CUX1: variants seen among roughly 807,000 people sequenced by gnomAD.
CUX1 encodes the protein protein CASP.
In CUX1, 31 loss-of-function variants were observed where a neutral mutation model predicts 158.8. The ratio of observed to expected loss-of-function variants is 0.20; its 90% confidence interval spans 0.15 to 0.26. The LOEUF is 0.26. CUX1 is among the 10% of genes least tolerant of loss of function. The pLI is 1.00. For synonymous variants in CUX1, 879 were observed against 862.1 expected, an observed-to-expected ratio of 1.02 and a Z score of -0.34; for missense variants, 1,589 against 2,014.6, an observed-to-expected ratio of 0.79 and a Z score of 4.04.
At chr7:102,105,128 C>A (rs543907939) in intron 6 of CUX1, among the ~76,000 whole-genome samples, 1 of 151,806 alleles carries the variant, frequency 6.6e-6, no homozygotes, top group South Asian at 2.1e-4. Context: ...AAGCCCTGGG[C>A]TAGTGCTAAA....
At chr7:102,145,676 G>A (rs1834953657) in intron 8 of CUX1, among the ~76,000 whole-genome samples, 1 of 152,086 alleles carries the variant, frequency 6.6e-6, no homozygotes, top group Admixed American at 6.6e-5. Flanking sequence ...GCCGGGCGCG[G>A]TGGCTCACGC....
chr7:102,020,794 T>G (rs988751240), intron 2 of CUX1, among the ~76,000 whole-genome samples: 2 of 151,396 alleles, frequency 1.3e-5, no homozygotes, highest in African/African-American at 4.9e-5. Context: ...GCAGGAGAAT[T>G]GCTTGAACCC....
chr7:102,229,545 C>G lies in CUX1; in HGVS notation c.3433+1876C>G, dbSNP rs542711763. 3.3e-5 allele frequency among the ~76,000 whole-genome samples: 5 copies of G among 149,782 alleles called. No individual in the cohort carries two copies. In the Admixed American group the frequency reaches 3.3e-4, roughly 10 times the overall value. ...CAGGATGGTCTCGAACTCCTGACCT[C>G]AAGTGATCCACCCACCTCGGCCTCC... On this transcript the variant is annotated intron_variant, in intron 21 of 23. Coordinates refer to ENST00000292535, the MANE Select transcript of CUX1 (RefSeq NM_181552.4).
At chr7:102,158,412 G>T in intron 8 of CUX1, 148 bp from the exon 9 acceptor site, 1 of 655,264 alleles carries the variant, frequency 1.5e-6, no homozygotes, top group African/African-American at 1.8e-5. Context: ...TCTTCCCCCA[G>T]TGTGAGCCCA....
At chr7:101,844,619 T>G (rs961208174) in intron 1 of CUX1, among the ~76,000 whole-genome samples, 1 of 152,172 alleles carries the variant, frequency 6.6e-6, no homozygotes, top group Non-Finnish European at 1.5e-5. Context: ...TCTTCTTTTT[T>G]CTTTTTGTTT....
chr7:101,816,169 G>A (rs1194390900), upstream of CUX1: 2 of 774,004 alleles, frequency 2.6e-6, no homozygotes, highest in African/African-American at 2.0e-5. Context: ...CGGGGGCCCC[G>A]GGCTGGCCCA....
intron 1 of CUX1, among the ~76,000 whole-genome samples, chr7:101,839,517 T>G (rs1198098338): frequency 6.6e-6 from 1 of 152,214 alleles, no homozygotes; most frequent in East Asian, 1.9e-4. Context: ...GTGGAGATAT[T>G]TTTTGCCAGT....
chr7:102,153,774 A>G (rs917409195), intron 8 of CUX1: 3 of 152,224 alleles, frequency 2.0e-5, no homozygotes, highest in Non-Finnish European at 4.4e-5. Context: ...ACACACAAGC[A>G]AAAACAGCTG....
intron 4 of CUX1, among the ~76,000 whole-genome samples, chr7:102,089,853 G>A (rs1372013327): frequency 9.2e-5 from 14 of 152,168 alleles, no homozygotes; most frequent in African/African-American, 3.1e-4. Context: ...ATCACACTCC[G>A]CTTGGGTTTT....
At chr7:102,010,208 A>G (rs780945516) in intron 2 of CUX1, among the ~76,000 whole-genome samples, 35 of 152,188 alleles carry the variant, frequency 2.3e-4, no homozygotes, top group Non-Finnish European at 4.1e-4. Context: ...AGCCTGGCCA[A>G]CATGGTGAAA....
intron 22 of CUX1, among the ~76,000 whole-genome samples, chr7:102,237,783 G>A (rs1554533403): frequency 2.0e-5 from 3 of 152,198 alleles, no homozygotes. Flanking sequence ...TGTGGAGACT[G>A]GTAGTGGCCC....
chr7:102,196,925 T>A lies in CUX1; in HGVS notation c.1514T>A (p.Met505Lys). ...ATGCAGGAAGCCGGAAGCACAAGCA[T>A]GATTTTTTCAACAGGTCCATACAGC... ...KAMQEAGSTS[M>K]IFSTGPYSTN... is the part of the protein sequence containing the mutation. Residue 505 changes from methionine to lysine, a missense_variant, in exon 15 of 24, where the codon ATG (methionine) becomes AAG (lysine). Physicochemically the swap from Met to Lys is moderately conservative, Grantham distance 95 (BLOSUM62 -1). Around this residue, in one of 8 missense-constraint regions of CUX1, gnomAD observed 515 missense variants for 574.4 expected, o/e 0.90. Coordinates refer to ENST00000292535, the MANE Select transcript of CUX1 (RefSeq NM_181552.4). The A allele has an allele frequency of 6.2e-7, 1 of 1,614,208 alleles. No homozygotes were observed.
At position 101,940,146 on chromosome 7, in the gene CUX1, A is replaced by G. The variant is rs572074285; in HGVS notation, c.141+23921A>G. On this transcript the variant is annotated intron_variant, in intron 2 of 23. Coordinates refer to ENST00000292535, the MANE Select transcript of CUX1 (RefSeq NM_181552.4). ...TCCCAGCTACTTAGGAGGCTGAGGC[A>G]GGAGGATTGCTTGAGCCCGGGAGGT... is the stretch of plus-strand genomic sequence containing the variant. 4.0e-5 allele frequency among the ~76,000 whole-genome samples: 6 copies of G among 150,530 alleles called. No individual in the cohort carries two copies. In the East Asian group the frequency reaches 1.2e-3, roughly 30 times the overall value.
chr7:102,179,349 T>C (rs1792773328), intron 11 of CUX1, among the ~76,000 whole-genome samples: 1 of 152,200 alleles, frequency 6.6e-6, no homozygotes, highest in Non-Finnish European at 1.5e-5. Flanking sequence ...CACCCGGCTC[T>C]TTAACTGAGT....
intron 1 of CUX1, among the ~76,000 whole-genome samples, chr7:101,902,638 T>C (rs1802278325): frequency 6.6e-6 from 1 of 152,190 alleles, no homozygotes; most frequent in South Asian, 2.1e-4. Context: ...CCCAAGTCTT[T>C]CTCTGTGCCG....
chr7:102,222,667 A>T (rs1797921223), intron 20 of CUX1, among the ~76,000 whole-genome samples: 1 of 151,748 alleles, frequency 6.6e-6, no homozygotes, highest in African/African-American at 2.4e-5. Flanking sequence ...GTTGTAGAAA[A>T]ACTGTGCCTG....
intron 2 of CUX1, among the ~76,000 whole-genome samples, chr7:101,940,447 G>A (rs73185829): frequency 0.11 from 16,367 of 151,904 alleles, 1,078 homozygotes; most frequent in Non-Finnish European, 0.15. Flanking sequence ...TGAGATGGAA[G>A]GAATAAGGGG....
intron 9 of CUX1, among the ~76,000 whole-genome samples, chr7:102,163,903 G>A (rs1355722366): frequency 3.3e-5 from 5 of 152,174 alleles, no homozygotes; most frequent in African/African-American, 7.2e-5. Context: ...TGAAGTGCTC[G>A]TTTATTGCTC....
chr7:101,995,793 G>T (rs1023225461), intron 2 of CUX1, among the ~76,000 whole-genome samples: 1 of 152,276 alleles, frequency 6.6e-6, no homozygotes, highest in East Asian at 1.9e-4. Flanking sequence ...TTGCAGGAAG[G>T]TTGCCAACGC....
Sources: allele counts gnomAD v4.1 joint callset (sites outside exome capture counted in the v4.1 genomes callset), GRCh38; gene constraint gnomAD v4.1.1; regional missense constraint gnomAD v4.1.1; transcripts MANE v1.5; gene names NCBI Gene and HGNC (gene_info 2026-07-23, HGNC 2026-07-21).